Variants in DYSF observed in about 807,000 individuals in gnomAD.
DYSF encodes dysferlin.
DYSF carries 212 observed loss-of-function variants against 274.9 expected under a neutral mutation model. That is an observed-to-expected ratio of 0.77 (90% CI 0.69 to 0.86). DYSF has a LOEUF of 0.86. Ranked by LOEUF, DYSF falls within the 40% of genes least tolerant of loss-of-function variation. The pLI is 0.00. For missense variants in DYSF, 2,666 were observed against 2,783.2 expected, an observed-to-expected ratio of 0.96 and a Z score of 0.95; for synonymous variants, 1,091 against 1,078.7, an observed-to-expected ratio of 1.01 and a Z score of -0.22.
intron 42 of DYSF, among the ~76,000 whole-genome samples, chr2:71,647,121 A>C (rs1253081118): frequency 6.6e-6 from 1 of 152,144 alleles, no homozygotes; most frequent in East Asian, 1.9e-4. Context: ...ACAGAAATTA[A>C]AGTTGCAGTG....
chr2:71,553,290 A>T, intron 20 of DYSF, 102 bp downstream of exon 20: 1 of 1,549,898 alleles, frequency 6.5e-7, no homozygotes, highest in Non-Finnish European at 8.8e-7. Context: ...AGTCTACTCA[A>T]AGGCCCTGGT....
At chr2:71,523,759 C>A (rs2087564039) in intron 12 of DYSF, among the ~76,000 whole-genome samples, 2 of 152,088 alleles carry the variant, frequency 1.3e-5, no homozygotes, top group Admixed American at 1.3e-4. Flanking sequence ...GTTGGTCAGG[C>A]TGGTCTCAAA....
intron 29 of DYSF, among the ~76,000 whole-genome samples, chr2:71,571,704 ACAGT>A (rs546679076): frequency 7.0e-5 from 10 of 142,240 alleles, no homozygotes; most frequent in Admixed American, 2.1e-4. Context: ...TGCACAGATC[ACAGT>A]CAGCACACAC....
chr2:71,526,161 GA>G, intron 12 of DYSF, 58 bp from the exon 13 acceptor site: 1 of 1,613,942 alleles, frequency 6.2e-7, no homozygotes, highest in Non-Finnish European at 8.5e-7. Flanking sequence ...CTTAGAAAAG[GA>G]AAGTAAAACC....
At chr2:71,491,687 G>C (rs1349695515) in intron 3 of DYSF, among the ~76,000 whole-genome samples, 1 of 152,208 alleles carries the variant, frequency 6.6e-6, no homozygotes, top group Non-Finnish European at 1.5e-5. Context: ...TCCTGGGTTA[G>C]TTTGCTAAGG....
chr2:71,462,215 G>C (rs559435318), upstream of DYSF, among the ~76,000 whole-genome samples: 30 of 152,348 alleles, frequency 2.0e-4, no homozygotes, highest in African/African-American at 6.3e-4. Flanking sequence ...GCAGGGTCCA[G>C]CCACTGCGCA....
At chr2:71,552,862 C>G in intron 19 of DYSF, 149 bp from the exon 20 acceptor site, 1 of 775,590 alleles carries the variant, frequency 1.3e-6, no homozygotes, top group Non-Finnish European at 2.2e-6. Flanking sequence ...GATGCTGTTT[C>G]TTTCTTGGGC....
At chr2:71,630,555 G>C (rs1276972859) in intron 41 of DYSF, among the ~76,000 whole-genome samples, 1 of 152,236 alleles carries the variant, frequency 6.6e-6, no homozygotes, top group East Asian at 1.9e-4. Context: ...CTCACGGCTA[G>C]ATGTGTAAAC....
At chr2:71,456,699 C>T (rs1450771845) in intron 1 of DYSF, among the ~76,000 whole-genome samples, 5 of 152,166 alleles carry the variant, frequency 3.3e-5, no homozygotes, top group Admixed American at 1.3e-4. Context: ...AAGATATTAT[C>T]CCCCCTTAAA....
At chr2:71,466,503 C>G (rs1043771832), upstream of DYSF, among the ~76,000 whole-genome samples, 2 of 152,178 alleles carry the variant, frequency 1.3e-5, no homozygotes, top group Admixed American at 1.3e-4. Flanking sequence ...GCTGCGCGCC[C>G]GCGTCAGCGG....
chr2:71,574,282 G>A lies in DYSF; in HGVS notation c.3313G>A (p.Asp1105Asn). Reference protein sequence around the residue: ...WKFHLEYRKTDAFRRRRWRRR... With the variant: ...WKFHLEYRKTNAFRRRRWRRR... ...GTTCCACCTCGAGTACCGCAAGACA[G>A]ATGCCTTCCGCCGCCGCCGCTGGCG... Residue 1105 changes from aspartate to asparagine, a missense_variant, in exon 30 of 56, where the codon GAT (aspartate) becomes AAT (asparagine). Physicochemically the swap from Asp to Asn is conservative, Grantham distance 23. Around this residue, in one of 3 missense-constraint regions of DYSF, gnomAD observed 1,460 missense variants for 1,502.1 expected, o/e 0.97. Coordinates refer to ENST00000410020, the MANE Select transcript of DYSF (RefSeq NM_001130987.2). The A allele has an allele frequency of 1.2e-6, 2 of 1,614,140 alleles. No individual in the cohort carries two copies. Among genetic ancestry groups the A allele is most frequent in the Middle Eastern group, 1.6e-4 (1 of 6,062 alleles).
At chr2:71,507,253 C>A (rs1378363627) in intron 4 of DYSF, among the ~76,000 whole-genome samples, 1 of 152,188 alleles carries the variant, frequency 6.6e-6, no homozygotes, top group Non-Finnish European at 1.5e-5. Context: ...GGAAGGGGCG[C>A]TCTTCCAGGG....
At position 71,576,660 on chromosome 2, in the gene DYSF, C is replaced by T. The variant is rs573745872; in HGVS notation, c.3402+2289C>T. Among the ~76,000 whole-genome samples the T allele has an allele frequency of 2.0e-5, 3 of 152,316 alleles. No homozygotes were observed. In the South Asian group the frequency reaches 6.2e-4, roughly 32 times the overall value. ...GGAGACAGAGCTGACGGCTGCCTGCCAGGCGGCCCAGGGCAGGAAGGCTGG... is the reference window on the plus strand; with the variant it reads ...GGAGACAGAGCTGACGGCTGCCTGCTAGGCGGCCCAGGGCAGGAAGGCTGG... On this transcript the variant is annotated intron_variant, in intron 30 of 55. Transcript: ENST00000410020.
At chr2:71,455,283 G>T (rs1272781141) in intron 1 of DYSF, among the ~76,000 whole-genome samples, 1 of 152,200 alleles carries the variant, frequency 6.6e-6, no homozygotes. Context: ...CTTCTCTTGG[G>T]TATGAGATTC....
At chr2:71,588,009 G>A (rs1277629934) in intron 30 of DYSF, among the ~76,000 whole-genome samples, 1 of 152,162 alleles carries the variant, frequency 6.6e-6, no homozygotes, top group Non-Finnish European at 1.5e-5. Flanking sequence ...GAGTGACCAG[G>A]GCAGGCTTTG....
intron 40 of DYSF, 96 bp from the exon 41 acceptor site, chr2:71,620,451 G>T (rs908779072): frequency 8.7e-6 from 11 of 1,267,794 alleles, no homozygotes; most frequent in Middle Eastern, 1.9e-4. Flanking sequence ...AGAGCAGAGG[G>T]TGCCTGGTCA....
chr2:71,548,790 TG>T (rs1167299113), intron 17 of DYSF, among the ~76,000 whole-genome samples: 1 of 151,870 alleles, frequency 6.6e-6, no homozygotes, highest in Non-Finnish European at 1.5e-5. Context: ...AAACGCAACG[TG>T]GAGCCTTCAG....
intron 51 of DYSF, among the ~76,000 whole-genome samples, chr2:71,672,626 G>C (rs961976469): frequency 4.6e-5 from 7 of 152,194 alleles, no homozygotes; most frequent in Non-Finnish European, 7.4e-5. Context: ...TGGGACCTGG[G>C]GGGGTTCATT....
At chr2:71,538,977 G>A (rs1410838354) in intron 16 of DYSF, among the ~76,000 whole-genome samples, 180 bp from the exon 17 acceptor site, 2 of 152,176 alleles carry the variant, frequency 1.3e-5, no homozygotes, top group Non-Finnish European at 2.9e-5. Context: ...AACCTCCTGT[G>A]CAGTGTCTTC....
Sources: gnomAD v4.1 joint callset for allele counts (sites outside exome capture counted in the v4.1 genomes callset) on GRCh38, gnomAD v4.1.1 for gene constraint, gnomAD v4.1.1 regional missense constraint, MANE v1.5 for transcripts, NCBI Gene and HGNC (gene_info 2026-07-23, HGNC 2026-07-21) for gene names.